The following CEP76 variants were observed in gnomAD, a reference collection of about 807,000 sequenced individuals.
CEP76 encodes the protein centrosomal protein 76.
CEP76 carries 55 observed loss-of-function variants against 83.3 expected under a neutral mutation model. The observed-to-expected ratio is 0.66, with a 90% CI of 0.53 to 0.83. CEP76 has a LOEUF of 0.83. Among genes scored for constraint, CEP76 ranks in the 40% least tolerant of loss-of-function variants. The pLI, the probability that CEP76 is intolerant of heterozygous loss-of-function variation, is 0.00. For synonymous variants in CEP76, 270 were observed against 274.5 expected, an observed-to-expected ratio of 0.98 and a Z score of 0.16; for missense variants, 694 against 799.5, an observed-to-expected ratio of 0.87 and a Z score of 1.59.
Position 12,673,224 on chromosome 18 carries a change from C to A in CEP76, c.*141G>T. ...ATGCATGATTTTTTTTAAACATTAC[C>A]AGTCAAGTATATACAAAATTGAAGT... On this transcript the variant is annotated 3_prime_UTR_variant, in exon 12 of 12. Transcript: ENST00000262127. 1.5e-6 allele frequency: 2 copies of A among 1,359,470 alleles called. No homozygotes were observed. Among genetic ancestry groups the A allele is most frequent in the African/African-American group, 1.5e-5 (1 of 66,286 alleles). 84.2% of individuals were successfully genotyped at this position (1,359,470 alleles called of 1,614,324 possible). A position where few individuals can be genotyped will look rare whatever the true frequency, so the allele number is the denominator to read the frequency against.
intron 11 of CEP76, 58 bp from the exon 12 acceptor site, chr18:12,673,561 A>C: frequency 7.4e-7 from 1 of 1,345,986 alleles, no homozygotes; most frequent in South Asian, 1.3e-5. Context: ...TTAATTCCTT[A>C]TTTGCAAGTA....
At chr18:12,694,474 C>T (rs1045011075) in intron 6 of CEP76, among the ~76,000 whole-genome samples, 2 of 152,076 alleles carry the variant, frequency 1.3e-5, no homozygotes, top group African/African-American at 2.4e-5. Context: ...AAAAATCTGC[C>T]GATCTTTTAA....
intron 4 of CEP76, 157 bp downstream of exon 4, chr18:12,698,822 G>A (rs1466546850): frequency 1.7e-6 from 1 of 603,226 alleles, no homozygotes; most frequent in East Asian, 2.8e-5. Context: ...ATTGCAAGAA[G>A]GTGGATAGTA....
downstream of CEP76, chr18:12,672,584 T>C: frequency 1.1e-6 from 1 of 873,008 alleles, no homozygotes; most frequent in Non-Finnish European, 1.4e-6. Context: ...GAAGATAGAA[T>C]CCATGAAGAG....
At chr18:12,665,050 T>A (rs1353901843) in intron 12 of CEP76, 3 of 152,160 alleles carry the variant, frequency 2.0e-5, no homozygotes, top group Admixed American at 2.0e-4. Context: ...GGTTTTTTTT[T>A]TCCCTGATGT....
At chr18:12,664,392 A>G (rs1294534620) in intron 12 of CEP76, among the ~76,000 whole-genome samples, 2 of 151,800 alleles carry the variant, frequency 1.3e-5, no homozygotes, top group Non-Finnish European at 2.9e-5. Flanking sequence ...CAAAATTAAA[A>G]TACAAAAATT....
chr18:12,689,029 A>T (rs370482526), intron 7 of CEP76, among the ~76,000 whole-genome samples: 87 of 152,134 alleles, frequency 5.7e-4, no homozygotes, highest in African/African-American at 1.9e-3. Flanking sequence ...CAGGAGAATC[A>T]CTTGAATCTG....
chr18:12,697,280 A>C lies in CEP76; in HGVS notation c.649T>G (p.Ser217Ala). The stretch of plus-strand genomic sequence containing the variant: ...ACTCCATTTTCTGAGCCCAAAACCG[A>C]TCGCCATTCCAGAAAATATGATGCT... ...LVASYFLEWR[S>A]VLGSENGVTS... The change falls in exon 5 of 12, where the codon TCG becomes GCG. Residue 217 changes from serine (S) to alanine (A), a missense_variant. By Grantham distance (99) the Ser-to-Ala change is moderately conservative (BLOSUM62 1). Transcript: ENST00000262127. 1 of 1,614,084 alleles carries C rather than the reference A, an allele frequency of 6.2e-7. No individual in the cohort carries two copies. Among genetic ancestry groups the C allele is most frequent in the South Asian group, 1.1e-5 (1 of 91,076 alleles).
rs571731825 is a variant in CEP76 at position 12,672,868 on chromosome 18, T to A, written c.*497A>T. 1.0e-6 allele frequency: 1 copy of A among 985,380 alleles called. No homozygotes were observed. Among genetic ancestry groups the A allele is most frequent in the East Asian group, 1.1e-4 (1 of 8,952 alleles). 61.0% of individuals were successfully genotyped at this position (985,380 alleles called of 1,614,324 possible). A position where few individuals can be genotyped will look rare whatever the true frequency, so the allele number is the denominator to read the frequency against. On this transcript the variant is annotated 3_prime_UTR_variant, in exon 12 of 12. Coordinates refer to ENST00000262127, the MANE Select transcript of CEP76 (RefSeq NM_024899.4). ...TCTCAAATATCCCAAGGACCACGAA[T>A]AAACCACAAAAGTGGTAATTCATTA...
intron 7 of CEP76, among the ~76,000 whole-genome samples, chr18:12,689,101 C>G (rs2145058830): frequency 6.6e-6 from 1 of 152,210 alleles, no homozygotes; most frequent in South Asian, 2.1e-4. Flanking sequence ...GTGACTGAGA[C>G]TCTGTCTCAC....
intron 3 of CEP76, 66 bp from the exon 4 acceptor site, chr18:12,699,269 T>A: frequency 3.5e-6 from 4 of 1,158,702 alleles, no homozygotes; most frequent in Non-Finnish European, 5.0e-6. Flanking sequence ...ATCAAGACAT[T>A]AGGAAATAAA....
At chr18:12,666,999 G>C (rs1598605402) in intron 12 of CEP76, among the ~76,000 whole-genome samples, 2 of 151,928 alleles carry the variant, frequency 1.3e-5, no homozygotes, top group South Asian at 4.1e-4. Context: ...ATCTGATTCT[G>C]ATAAATTAAG....
At chr18:12,662,970 C>A (rs539169052) in intron 12 of CEP76, among the ~76,000 whole-genome samples, 3 of 152,080 alleles carry the variant, frequency 2.0e-5, no homozygotes, top group Non-Finnish European at 4.4e-5. Context: ...ACGTTCTGAT[C>A]TGAATATAAG....
chr18:12,697,403 C>T lies in CEP76; in HGVS notation c.526G>A (p.Gly176Arg). Residue 176 changes from glycine to arginine, a missense_variant, in exon 5 of 12, where the codon GGA becomes AGA. Transcript: ENST00000262127. Reference sequence around the variant, plus strand: ...GTTGTTGAATCAGCCATTCTAGTTCCATCACCTAGCAATATAATCCAAACG... The same window carrying T: ...GTTGTTGAATCAGCCATTCTAGTTCTATCACCTAGCAATATAATCCAAACG... Reference protein sequence around the residue: ...LEVHRESLGDGTRMADSTTML... With the variant: ...LEVHRESLGDRTRMADSTTML... 6.2e-7 allele frequency: 1 copy of T among 1,604,250 alleles called. No homozygotes were observed. The highest frequency in any genetic ancestry group is 8.5e-7 in the Non-Finnish European group (1 of 1,174,248).
At chr18:12,702,385 A>C in intron 1 of CEP76, 101 bp downstream of exon 1, 1 of 870,316 alleles carries the variant, frequency 1.1e-6, no homozygotes, top group African/African-American at 1.7e-5. Flanking sequence ...TCCTCGCTAC[A>C]GTCCCGGCAA....
chr18:12,662,209 TA>T (rs2038705888), intron 12 of CEP76: 1 of 444,110 alleles, frequency 2.3e-6, no homozygotes, highest in Non-Finnish European at 4.5e-6. Flanking sequence ...AAAAACAGCA[TA>T]TTTTTTAATG....
At chr18:12,695,884 ACT>A (rs1491051286) in intron 5 of CEP76, among the ~76,000 whole-genome samples, 2 of 150,388 alleles carry the variant, frequency 1.3e-5, no homozygotes, top group African/African-American at 4.9e-5. Context: ...ACACACACAC[ACT>A]AAAAATTAGA....
intron 12 of CEP76, among the ~76,000 whole-genome samples, chr18:12,664,738 G>A (rs2038771150): frequency 6.8e-6 from 1 of 146,686 alleles, no homozygotes; most frequent in South Asian, 2.1e-4. Flanking sequence ...TTGCTCTGTC[G>A]CTCAGGCTGG....
intron 12 of CEP76, among the ~76,000 whole-genome samples, chr18:12,662,595 A>T (rs966379428): frequency 6.6e-6 from 1 of 152,118 alleles, no homozygotes; most frequent in African/African-American, 2.4e-5. Context: ...GGGCAATGTG[A>T]TGAAAATCCA....
Sources: allele counts gnomAD v4.1 joint callset (sites outside exome capture counted in the v4.1 genomes callset), GRCh38; gene constraint gnomAD v4.1.1; transcripts MANE v1.5; gene names NCBI Gene and HGNC (gene_info 2026-07-23, HGNC 2026-07-21).